The following CALN1 variants were observed in gnomAD, a reference collection of about 807,000 sequenced individuals.
CALN1 encodes calcium-binding protein 8.
CALN1 carries 17 observed loss-of-function variants against 30.6 expected under a neutral mutation model. The ratio of observed to expected loss-of-function variants is 0.56; its 90% CI spans 0.38 to 0.83. The LOEUF is 0.83. CALN1 is among the 40% of genes least tolerant of loss of function. The pLI is 0.00. For missense variants in CALN1, 291 were observed against 354.9 expected, an observed-to-expected ratio of 0.82 and a Z score of 1.45; for synonymous variants, 156 against 131.4, an observed-to-expected ratio of 1.19 and a Z score of -1.28.
chr7:72,134,332 C>T (rs1057498435), intron 3 of CALN1, among the ~76,000 whole-genome samples: 2 of 152,136 alleles, frequency 1.3e-5, no homozygotes, highest in Non-Finnish European at 1.5e-5. Context: ...TATAGCAGCT[C>T]CAAAGGACTG....
chr7:71,962,984 T>C (rs1797325144), intron 5 of CALN1, among the ~76,000 whole-genome samples: 1 of 152,124 alleles, frequency 6.6e-6, no homozygotes, highest in Admixed American at 6.5e-5. Context: ...GGATCTCAGT[T>C]TGGCCTTCAA....
chr7:71,865,871 T>C (rs1239995093), intron 5 of CALN1, among the ~76,000 whole-genome samples: 1 of 152,236 alleles, frequency 6.6e-6, no homozygotes, highest in Non-Finnish European at 1.5e-5. Flanking sequence ...ATGTGACAAA[T>C]GCTCCTAAGT....
At chr7:72,000,705 T>A (rs1799482249) in intron 5 of CALN1, among the ~76,000 whole-genome samples, 1 of 151,852 alleles carries the variant, frequency 6.6e-6, no homozygotes, top group East Asian at 1.9e-4. Flanking sequence ...CAAGGCCTCA[T>A]AACAAAACCA....
At chr7:71,908,384 G>A (rs576744235) in intron 5 of CALN1, among the ~76,000 whole-genome samples, 2 of 152,066 alleles carry the variant, frequency 1.3e-5, no homozygotes, top group African/African-American at 4.8e-5. Flanking sequence ...CCTGGAGTTT[G>A]GTCAAGGAAA....
chr7:71,853,686 T>C (rs1280107454), intron 5 of CALN1, among the ~76,000 whole-genome samples: 1 of 152,084 alleles, frequency 6.6e-6, no homozygotes, highest in Non-Finnish European at 1.5e-5. Flanking sequence ...CTCAAGCAAT[T>C]CTCCTGCCTC....
chr7:71,916,067 A>T (rs1457501786), intron 5 of CALN1, among the ~76,000 whole-genome samples: 1 of 152,064 alleles, frequency 6.6e-6, no homozygotes, highest in Non-Finnish European at 1.5e-5. Flanking sequence ...TAAAATAGTG[A>T]ATTTCCCTAG....
At chr7:72,345,111 C>A (rs375306927) in intron 2 of CALN1, among the ~76,000 whole-genome samples, 1 of 148,022 alleles carries the variant, frequency 6.8e-6, no homozygotes, top group Non-Finnish European at 1.5e-5. Context: ...TTATGTTATA[C>A]GAAATTACAT....
At chr7:71,995,163 T>G (rs1195875093) in intron 5 of CALN1, among the ~76,000 whole-genome samples, 9 of 152,170 alleles carry the variant, frequency 5.9e-5, no homozygotes, top group Admixed American at 5.9e-4. Context: ...CCCTTCCTAA[T>G]TTTTTATTAC....
chr7:72,438,407 C>A (rs551029450), intron 1 of CALN1, among the ~76,000 whole-genome samples: 1 of 152,294 alleles, frequency 6.6e-6, no homozygotes, highest in Non-Finnish European at 1.5e-5. Context: ...CAGAAGTGAG[C>A]CACGGCACCC....
At chr7:72,315,690 G>A (rs1205672484) in intron 2 of CALN1, among the ~76,000 whole-genome samples, 5 of 151,526 alleles carry the variant, frequency 3.3e-5, no homozygotes, top group African/African-American at 1.2e-4. Context: ...GTGTGACACA[G>A]TGAGACCCTG....
the CALN1 span, among the ~76,000 whole-genome samples, chr7:72,453,741 G>A: frequency 4.6e-5 from 7 of 152,156 alleles, no homozygotes; most frequent in Admixed American, 4.6e-4. Context: ...CCAAATTGGA[G>A]TGTTCTCATA....
intron 5 of CALN1, among the ~76,000 whole-genome samples, chr7:72,008,823 T>C (rs747457514): frequency 3.3e-5 from 5 of 152,078 alleles, no homozygotes; most frequent in Non-Finnish European, 7.4e-5. Flanking sequence ...GCCCATCTAA[T>C]TTTTGTATTT....
At chr7:72,031,715 G>A (rs1192512148) in intron 4 of CALN1, among the ~76,000 whole-genome samples, 3 of 147,850 alleles carry the variant, frequency 2.0e-5, no homozygotes, top group Non-Finnish European at 3.0e-5. Context: ...CCACAGTTAT[G>A]TGCCACCACG....
intron 1 of CALN1, among the ~76,000 whole-genome samples, chr7:72,445,100 AC>A (rs1562971460): frequency 2.8e-4 from 39 of 139,632 alleles, no homozygotes; most frequent in African/African-American, 1.0e-3. Context: ...ACACACACAC[AC>A]ACACAACATT....
intron 3 of CALN1, among the ~76,000 whole-genome samples, chr7:72,144,183 A>C (rs1355589433): frequency 6.6e-6 from 1 of 152,184 alleles, no homozygotes; most frequent in Admixed American, 6.5e-5. Flanking sequence ...AGACTGGCAA[A>C]TTGGATAAAG....
chr7:72,260,224 G>A (rs1464204118), intron 3 of CALN1, among the ~76,000 whole-genome samples: 3 of 152,100 alleles, frequency 2.0e-5, no homozygotes, highest in African/African-American at 7.2e-5. Context: ...ATAAAATAAA[G>A]CAAAAGCCCT....
intron 3 of CALN1, among the ~76,000 whole-genome samples, chr7:72,237,274 A>G (rs1794532925): frequency 6.6e-6 from 1 of 152,140 alleles, no homozygotes; most frequent in Non-Finnish European, 1.5e-5. Flanking sequence ...ATGAGCCACT[A>G]CACCTGGCCC....
At chr7:71,848,358 G>A (rs1297300884) in intron 5 of CALN1, among the ~76,000 whole-genome samples, 1 of 152,150 alleles carries the variant, frequency 6.6e-6, no homozygotes, top group Non-Finnish European at 1.5e-5. Context: ...CAAGAGCCAA[G>A]TTTGGAATTC....
At chr7:71,925,982 T>C (rs1795250295) in intron 5 of CALN1, among the ~76,000 whole-genome samples, 1 of 152,112 alleles carries the variant, frequency 6.6e-6, no homozygotes, top group East Asian at 1.9e-4. Flanking sequence ...GCTTCCCGAG[T>C]AGCTGGGAGT....
Sources: allele counts gnomAD v4.1 joint callset (sites outside exome capture counted in the v4.1 genomes callset), GRCh38; gene constraint gnomAD v4.1.1; transcripts MANE v1.5; gene names NCBI Gene and HGNC (gene_info 2026-07-23, HGNC 2026-07-21).